Variants in DEAF1 observed in about 807,000 individuals in gnomAD.
The protein encoded by DEAF1 is DEAF1 transcription factor, also known as deformed epidermal autoregulatory factor 1 homolog.
In DEAF1, 53 loss-of-function variants were observed where a neutral mutation model predicts 58.9. The observed-to-expected ratio is 0.90, with a 90% CI of 0.72 to 1.13. The LOEUF (loss-of-function observed/expected upper bound fraction) is 1.13. Ranked by LOEUF, DEAF1 falls within the 50% of genes most tolerant of loss-of-function variation. DEAF1 has a pLI of 0.00. For missense variants in DEAF1, 685 were observed against 791.4 expected, an observed-to-expected ratio of 0.87 and a Z score of 1.61; for synonymous variants, 385 against 340.4, an observed-to-expected ratio of 1.13 and a Z score of -1.44.
chr11:700,303 G>C, intron 1 of DEAF1: 3 of 1,399,340 alleles, frequency 2.1e-6, no homozygotes, highest in Non-Finnish European at 3.0e-6. Flanking sequence ...GAGGTGGGCG[G>C]ATCACTTGAG....
chr11:644,744 C>A lies in DEAF1; in HGVS notation c.1594-90G>T. The A allele has an allele frequency of 1.0e-6, 1 of 998,124 alleles. No homozygotes were observed. 61.8% of individuals were successfully genotyped at this position (998,124 alleles called of 1,614,324 possible). A position where few individuals can be genotyped will look rare whatever the true frequency, so the allele number is the denominator to read the frequency against. On this transcript the variant is annotated intron_variant, in intron 11 of 11. Transcript: ENST00000382409. This position sits in a 1 kb window ranked among gnomAD's most constrained non-coding sequence, Gnocchi z 4.3. ...CCAAGGCAGACCCCAGAGGGTGCAG[C>A]CCTCTGTAACCTCACCTGGAGGTGC...
chr11:701,172 A>G (rs919354351), intron 1 of DEAF1: 5 of 187,152 alleles, frequency 2.7e-5, no homozygotes, highest in Non-Finnish European at 5.7e-5. Flanking sequence ...CAAGTCTGCA[A>G]CCCCTTCCAG....
At chr11:647,503 T>A (rs933226222) in intron 11 of DEAF1, among the ~76,000 whole-genome samples, 1 of 151,780 alleles carries the variant, frequency 6.6e-6, no homozygotes, top group Non-Finnish European at 1.5e-5. Context: ...AAACCAAAAA[T>A]AAGTAATGAA....
chr11:694,941 TCGCCTCCTGCCGCGGCCGCGGCCGC>T lies in DEAF1; in HGVS notation c.82_106del (p.Ala28ArgfsTer7), dbSNP rs763619482. The stretch of plus-strand genomic sequence containing the variant: ...CCTGCTCAGCACCGGCTCCTCCGCC[TCGCCTCCTGCCGCGGCCGCGGCCGC>T]CGCCGCCACAGCGGCCGCGGCCGCC... On this transcript the variant is annotated frameshift_variant, in exon 1 of 12. Coordinates refer to ENST00000382409, the MANE Select transcript of DEAF1 (RefSeq NM_021008.4). LOFTEE classifies it high-confidence loss of function. 1 of 1,258,320 alleles carries T rather than the reference TCGCCTCCTGCCGCGGCCGCGGCCGC, an allele frequency of 7.9e-7. No homozygotes were observed. Among genetic ancestry groups the T allele is most frequent in the South Asian group, 2.4e-5 (1 of 41,768 alleles). 77.9% of individuals were successfully genotyped at this position (1,258,320 alleles called of 1,614,324 possible). A position where few individuals can be genotyped will look rare whatever the true frequency, so the allele number is the denominator to read the frequency against.
In DEAF1 at chr11:681,011, CCTT is replaced by C. The variant is rs1356093579; in HGVS notation, c.946_948del (p.Lys316del). On this transcript the variant is annotated inframe_deletion, in exon 7 of 12. Coordinates refer to ENST00000382409, the MANE Select transcript of DEAF1 (RefSeq NM_021008.4). ...AGCAATGTGATGTTCTTGGGGGAGTCCTTCTTCACGGGAGTTGTGGGCAGTTCA... is the reference window on the plus strand; with the variant it reads ...AGCAATGTGATGTTCTTGGGGGAGTCCTTCACGGGAGTTGTGGGCAGTTCA... The C allele has an allele frequency of 4.3e-6, 7 of 1,613,998 alleles. No homozygotes were observed. The highest frequency in any genetic ancestry group is 5.9e-6 in the Non-Finnish European group (7 of 1,180,028).
Position 644,308 on chromosome 11 carries a change from G to A in DEAF1, c.*242C>T, listed in dbSNP as rs11552851. On this transcript the variant is annotated 3_prime_UTR_variant, in exon 12 of 12. Coordinates refer to ENST00000382409, the MANE Select transcript of DEAF1 (RefSeq NM_021008.4). This position sits in a 1 kb window ranked among gnomAD's most constrained non-coding sequence, Gnocchi z 4.3. ...CAGCACAGGCCCTGTGGGCAAGACC[G>A]GACGCTCATGATCCCAGGGATAAAA... 348 of 596,670 alleles carry A rather than the reference G, an allele frequency of 5.8e-4. 1 individual carries two copies. The highest frequency in any genetic ancestry group is 5.5e-3 in the African/African-American group (298 of 54,110). The allele number at this position is 596,670 out of a possible 1,614,324, so 37.0% of individuals were successfully genotyped here.
intron 1 of DEAF1, among the ~76,000 whole-genome samples, chr11:693,006 G>A (rs1441659789): frequency 6.6e-6 from 1 of 152,220 alleles, no homozygotes; most frequent in Non-Finnish European, 1.5e-5. Context: ...GCAGCCCTGG[G>A]AGCAGCCGCC....
chr11:659,594 C>T (rs1368182237), intron 10 of DEAF1, among the ~76,000 whole-genome samples: 1 of 152,218 alleles, frequency 6.6e-6, no homozygotes, highest in South Asian at 2.1e-4. Flanking sequence ...AATGGGGCCA[C>T]AGGCCCACTG....
chr11:665,267 C>T (rs572056486), intron 10 of DEAF1, among the ~76,000 whole-genome samples: 25 of 149,214 alleles, frequency 1.7e-4, no homozygotes, highest in African/African-American at 5.5e-4. Context: ...GTGTCACACT[C>T]GGTCACTCTA....
intron 1 of DEAF1, chr11:700,768 C>A: frequency 2.1e-6 from 3 of 1,419,128 alleles, no homozygotes; most frequent in South Asian, 1.1e-5. Flanking sequence ...GTTTCCACAG[C>A]CTTTCAAGAG....
intron 7 of DEAF1, 48 bp downstream of exon 7, chr11:680,915 G>A: frequency 6.2e-7 from 1 of 1,612,946 alleles, no homozygotes; most frequent in Non-Finnish European, 8.5e-7. Flanking sequence ...AGAAGGCAAT[G>A]CACTCAGGTC....
chr11:690,326 CAGGGGAGGGGAGGGCAGGGG>C (rs1860779652), intron 2 of DEAF1, among the ~76,000 whole-genome samples: 1 of 546 alleles, frequency 1.8e-3, no homozygotes. Flanking sequence ...CAGGGGAGGG[CAGGGGAGGGGAGGGCAGGGG>C]AGGGGAGGGC....
rs1246631478 is a variant in DEAF1 at position 670,929 on chromosome 11, A to ATTTTT, written c.1503+3606_1503+3607insAAAAA. Among the ~76,000 whole-genome samples, 54 of 32,408 alleles carry ATTTTT rather than the reference A, an allele frequency of 1.7e-3. No individual in the cohort carries two copies. In the South Asian group the frequency reaches 0.02, roughly 12 times the overall value. The allele number at this position is 32,408 out of a possible 152,430, so 21.3% of individuals were successfully genotyped here. A position where few individuals can be genotyped will look rare whatever the true frequency, so the allele number is the denominator to read the frequency against. ...ACTGGCATGTCACCACACCTGGCTA[A>ATTTTT]TGTTTTTTTTTTTTTTTGAGACAGA... On this transcript the variant is annotated intron_variant, in intron 10 of 11. Transcript: ENST00000382409.
intron 1 of DEAF1, chr11:700,935 T>C: frequency 1.7e-6 from 1 of 584,316 alleles, no homozygotes. Flanking sequence ...AGACTCTGTG[T>C]TTGGAAGCAT....
intron 2 of DEAF1, among the ~76,000 whole-genome samples, chr11:689,202 C>CTTTTTTTTTTTTT (rs34046317): frequency 2.5e-4 from 24 of 94,118 alleles, no homozygotes; most frequent in Non-Finnish European, 4.0e-4. Context: ...TTTTCTTTTT[C>CTTTTTTTTTTTTT]TTTTTTTTTT....
At chr11:676,943 A>G (rs1860106933) in intron 9 of DEAF1, among the ~76,000 whole-genome samples, 1 of 152,184 alleles carries the variant, frequency 6.6e-6, no homozygotes. Flanking sequence ...ACACGTGCAC[A>G]TGAGAACATT....
chr11:687,891 T>G lies in DEAF1; in HGVS notation c.664+20A>C. 1 of 1,613,940 alleles carries G rather than the reference T, an allele frequency of 6.2e-7. No individual in the cohort carries two copies. The highest frequency in any genetic ancestry group is 8.5e-7 in the Non-Finnish European group (1 of 1,180,000). ...TACAAAGGGGAATACAACTTTGGAG[T>G]CTGAAGTGGCAGTCCTCACCTGAGC... On this transcript the variant is annotated intron_variant, in intron 4 of 11. Transcript: ENST00000382409.
intron 11 of DEAF1, among the ~76,000 whole-genome samples, chr11:652,877 A>AG (rs1174484520): frequency 1.3e-5 from 2 of 152,022 alleles, no homozygotes; most frequent in Non-Finnish European, 2.9e-5. Context: ...TGAGGTCAGG[A>AG]GTTCGAGACC....
chr11:684,362 G>A (rs898238557), intron 6 of DEAF1, among the ~76,000 whole-genome samples: 5 of 151,810 alleles, frequency 3.3e-5, no homozygotes, highest in African/African-American at 9.7e-5. Flanking sequence ...AGGTTGCAGT[G>A]AGCCGAGACC....
Sources: allele counts gnomAD v4.1 joint callset (sites outside exome capture counted in the v4.1 genomes callset), GRCh38; gene constraint gnomAD v4.1.1; non-coding constraint Gnocchi (gnomAD v3.1); transcripts MANE v1.5; gene names NCBI Gene and HGNC (gene_info 2026-07-23, HGNC 2026-07-21).